Variants in DLGAP2 observed in about 807,000 individuals in gnomAD.
DLGAP2 encodes the protein DLG associated protein 2, also known as disks large-associated protein 2.
DLGAP2 carries 26 observed loss-of-function variants against 100.3 expected under a neutral mutation model. The ratio of observed to expected loss-of-function variants is 0.26; its 90% CI spans 0.19 to 0.36. DLGAP2 has a LOEUF of 0.36. Ranked by LOEUF, DLGAP2 falls within the 10% of genes least tolerant of loss-of-function variation. DLGAP2 has a pLI of 1.00. For missense variants in DLGAP2, 1,858 were observed against 1,453.2 expected (o/e 1.28, Z -4.53); for synonymous variants, 886 against 630.1 (o/e 1.41, Z -6.08).
intron 2 of DLGAP2, among the ~76,000 whole-genome samples, chr8:1,080,285 C>T (rs947676574): frequency 1.3e-5 from 2 of 152,222 alleles, no homozygotes; most frequent in South Asian, 2.1e-4. Context: ...CCCGCCCCGC[C>T]GCCCGCGTGC....
intron 1 of DLGAP2, among the ~76,000 whole-genome samples, chr8:765,211 G>T (rs1179641616): frequency 6.6e-6 from 1 of 152,134 alleles, no homozygotes; most frequent in African/African-American, 2.4e-5. Flanking sequence ...TTATTTAAAA[G>T]ATAACTTTAT....
chr8:1,565,577 G>C (rs906312088), intron 5 of DLGAP2, 106 bp from the exon 6 acceptor site: 2 of 799,436 alleles, frequency 2.5e-6, no homozygotes, highest in African/African-American at 3.5e-5. Flanking sequence ...TGACTGTAAA[G>C]AGGTGTATCT....
At position 1,130,466 on chromosome 8, in the gene DLGAP2, C is replaced by T. The variant is rs979773293; in HGVS notation, c.74-128385C>T. Among the ~76,000 whole-genome samples the T allele has an allele frequency of 4.6e-4, 70 of 152,248 alleles. 1 individual carries two copies. The highest frequency in any genetic ancestry group is 6.2e-4 in the South Asian group (3 of 4,820). ...GGACCTGTCAGCATGAACCGCCGTA[C>T]GCTTGAGATAAGCCAGGAATTTGTG... On this transcript the variant is annotated intron_variant, in intron 2 of 14. Coordinates refer to ENST00000637795, the MANE Select transcript of DLGAP2 (RefSeq NM_001346810.2).
intron 3 of DLGAP2, among the ~76,000 whole-genome samples, chr8:1,294,010 C>T (rs963566637): frequency 3.9e-5 from 6 of 152,198 alleles, no homozygotes; most frequent in African/African-American, 7.2e-5. Flanking sequence ...GGAGCCCACA[C>T]GTGAAGGTGG....
chr8:1,237,370 G>A (rs7465033), intron 2 of DLGAP2, among the ~76,000 whole-genome samples: 38,728 of 59,270 alleles, frequency 0.65, 10,999 homozygotes, highest in Middle Eastern at 0.7. Context: ...ACATGGCGCC[G>A]TGTCTGTTTC....
intron 2 of DLGAP2, among the ~76,000 whole-genome samples, chr8:988,739 C>T (rs773666100): frequency 3.9e-5 from 6 of 152,132 alleles, no homozygotes; most frequent in African/African-American, 9.7e-5. Flanking sequence ...TCCTGGCCTC[C>T]ATCTCCACCC....
At chr8:1,449,105 C>A (rs947182540) in intron 3 of DLGAP2, among the ~76,000 whole-genome samples, 3 of 152,168 alleles carry the variant, frequency 2.0e-5, no homozygotes, top group African/African-American at 7.2e-5. Context: ...TCATCCCGGC[C>A]TAATGATTAT....
intron 2 of DLGAP2, among the ~76,000 whole-genome samples, chr8:920,873 G>A (rs554883688): frequency 1.4e-4 from 21 of 152,214 alleles, no homozygotes; most frequent in Non-Finnish European, 2.6e-4. Context: ...GATGAGGGCC[G>A]GGTTTACTGT....
chr8:1,413,296 C>T (rs1479159377), intron 3 of DLGAP2, among the ~76,000 whole-genome samples: 1 of 151,918 alleles, frequency 6.6e-6, no homozygotes, highest in African/African-American at 2.4e-5. Context: ...GGATGGGAAG[C>T]AGAATGAATA....
At chr8:1,202,477 C>G (rs1797900358) in intron 2 of DLGAP2, among the ~76,000 whole-genome samples, 1 of 152,094 alleles carries the variant, frequency 6.6e-6, no homozygotes, top group African/African-American at 2.4e-5. Flanking sequence ...AATCATTACC[C>G]TTTCTGTAGG....
At chr8:1,119,489 A>G (rs12675380) in intron 2 of DLGAP2, among the ~76,000 whole-genome samples, 38,630 of 152,086 alleles carry the variant, frequency 0.25, 5,750 homozygotes, top group Admixed American at 0.32. Context: ...CACAAGGCCC[A>G]TTGCTTCTCG....
rs944607207 is a variant in DLGAP2, at chr8:1,707,637, G to C, written c.*6231G>C. The stretch of plus-strand genomic sequence containing the variant: ...GCAGGACAGGTCCTCCCTGCAGAGA[G>C]AGACAACTCATCCCCCGACCTTCCA... On this transcript the variant is annotated 3_prime_UTR_variant, in exon 15 of 15. Transcript: ENST00000637795. 3.9e-5 allele frequency: 6 copies of C among 152,168 alleles called. No homozygotes were observed. Among genetic ancestry groups the C allele is most frequent in the Non-Finnish European group, 7.3e-5 (5 of 68,042 alleles). 9.4% of individuals were successfully genotyped at this position (152,168 alleles called of 1,614,324 possible).
chr8:1,115,509 T>C (rs11786010), intron 2 of DLGAP2, among the ~76,000 whole-genome samples: 48,181 of 152,160 alleles, frequency 0.32, 8,892 homozygotes, highest in Non-Finnish European at 0.43. Flanking sequence ...AAAAATATTG[T>C]GAAGATTCTG....
chr8:950,437 A>G (rs1187101072), intron 2 of DLGAP2, among the ~76,000 whole-genome samples: 1 of 152,146 alleles, frequency 6.6e-6, no homozygotes, highest in Non-Finnish European at 1.5e-5. Context: ...GGGTCACGTC[A>G]TGTCACTTGC....
chr8:926,961 C>G, intron 2 of DLGAP2: 4 of 933,746 alleles, frequency 4.3e-6, no homozygotes, highest in Non-Finnish European at 5.1e-6. Flanking sequence ...GGGGTGGGGA[C>G]AGCGTGGGGG....
intron 1 of DLGAP2, among the ~76,000 whole-genome samples, chr8:837,740 G>A (rs1796906341): frequency 6.7e-6 from 1 of 148,974 alleles, no homozygotes; most frequent in Admixed American, 6.7e-5. Context: ...TTTTTTAGAC[G>A]GAGTCTCACT....
At chr8:784,367 C>T (rs1230593308) in intron 1 of DLGAP2, among the ~76,000 whole-genome samples, 1 of 151,980 alleles carries the variant, frequency 6.6e-6, no homozygotes, top group African/African-American at 2.4e-5. Flanking sequence ...TGGGTATAGA[C>T]AGAAAAAGAG....
At chr8:869,286 T>C (rs1208229508) in intron 1 of DLGAP2, among the ~76,000 whole-genome samples, 1 of 152,244 alleles carries the variant, frequency 6.6e-6, no homozygotes, top group Non-Finnish European at 1.5e-5. Flanking sequence ...TTTCGCGTCC[T>C]TCTTGCACCA....
intron 3 of DLGAP2, among the ~76,000 whole-genome samples, chr8:1,447,677 G>A (rs942488507): frequency 2.0e-5 from 3 of 152,168 alleles, no homozygotes; most frequent in Admixed American, 2.0e-4. Context: ...GCTTCTCCTT[G>A]TGCCTCTGGT....
Sources: allele counts gnomAD v4.1 joint callset (sites outside exome capture counted in the v4.1 genomes callset), GRCh38; gene constraint gnomAD v4.1.1; transcripts MANE v1.5; gene names NCBI Gene and HGNC (gene_info 2026-07-23, HGNC 2026-07-21).